The following TRIT1 variants were observed in gnomAD, a reference collection of about 807,000 sequenced individuals.
The protein encoded by TRIT1 is tRNA dimethylallyltransferase.
TRIT1 carries 43 observed loss-of-function variants against 51.2 expected under a neutral mutation model. That is an observed-to-expected ratio of 0.84 (90% CI 0.66 to 1.08). The LOEUF is 1.08. Among genes scored for constraint, TRIT1 ranks in the 50% least tolerant of loss-of-function variants. The pLI is 0.00. For missense variants in TRIT1, 528 were observed against 578.4 expected (o/e 0.91, Z 0.89); for synonymous variants, 184 against 203.9 (o/e 0.90, Z 0.83).
At chr1:39,855,240 A>T (rs1642828032) in intron 2 of TRIT1, among the ~76,000 whole-genome samples, 1 of 152,232 alleles carries the variant, frequency 6.6e-6, no homozygotes, top group Non-Finnish European at 1.5e-5. Flanking sequence ...AGGCATAGAG[A>T]CAGACCACCT....
intron 8 of TRIT1, 197 bp downstream of exon 8, chr1:39,847,023 G>T: frequency 1.8e-6 from 1 of 556,806 alleles, no homozygotes; most frequent in Non-Finnish European, 3.1e-6. Context: ...ACTCCTCAAT[G>T]CAAATAATTT....
rs1260916000 is a variant in TRIT1 at position 39,847,560 on chromosome 1, G to A, written c.916C>T (p.Leu306Phe). 1 of 1,614,018 alleles carries A rather than the reference G, an allele frequency of 6.2e-7. No homozygotes were observed. The highest frequency in any genetic ancestry group is 1.1e-5 in the South Asian group (1 of 91,094). The part of the protein sequence containing the change: ...GKCTLETSNQ[L>F]LKKGIEALKQ... ...GAAGAATTCACACCTTTCTTTAGAA[G>A]CTGGTTACTAGTCTCCAGTGTGCAT... Residue 306 changes from leucine to phenylalanine, a missense_variant, in exon 7 of 11, where the codon CTT becomes TTT. Leu to Phe is a conservative substitution (Grantham distance 22, BLOSUM62 0). Coordinates refer to ENST00000316891, the MANE Select transcript of TRIT1 (RefSeq NM_017646.6).
chr1:39,871,936 C>G (rs370050402), intron 1 of TRIT1, among the ~76,000 whole-genome samples: 6 of 152,220 alleles, frequency 3.9e-5, no homozygotes, highest in African/African-American at 1.2e-4. Flanking sequence ...CAGAGTCTTG[C>G]TTTGTTGTCC....
intron 1 of TRIT1, among the ~76,000 whole-genome samples, chr1:39,863,708 A>T (rs1018609624): frequency 8.6e-5 from 13 of 151,984 alleles, no homozygotes; most frequent in African/African-American, 3.1e-4. Flanking sequence ...ACAGAGCTGA[A>T]ATGCCTGGAG....
chr1:39,861,092 G>A (rs1204498643), intron 1 of TRIT1, among the ~76,000 whole-genome samples: 1 of 152,032 alleles, frequency 6.6e-6, no homozygotes, highest in African/African-American at 2.4e-5. Context: ...AGACATGGAT[G>A]TACTTCACAC....
chr1:39,855,289 G>C (rs1642831022), intron 2 of TRIT1, among the ~76,000 whole-genome samples: 1 of 152,200 alleles, frequency 6.6e-6, no homozygotes. Flanking sequence ...AAGCGGCTAA[G>C]GCAGGGTGGG....
rs1316783727 is a variant in TRIT1 at position 39,860,716 on chromosome 1, T to C, written c.175-3299A>G. 2.0e-5 allele frequency among the ~76,000 whole-genome samples: 3 copies of C among 152,194 alleles called. No homozygotes were observed. In the East Asian group the frequency reaches 5.8e-4, roughly 29 times the overall value. On this transcript the variant is annotated intron_variant, in intron 1 of 10. Coordinates refer to ENST00000316891, the MANE Select transcript of TRIT1 (RefSeq NM_017646.6). ...ATAATTATCGACTCTAGGTGATGGATATATGGGTAGTTCATTTCATTATTT... is the reference window on the plus strand; with the variant it reads ...ATAATTATCGACTCTAGGTGATGGACATATGGGTAGTTCATTTCATTATTT...
chr1:39,881,167 A>G (rs1030854018), intron 1 of TRIT1, among the ~76,000 whole-genome samples: 9 of 150,756 alleles, frequency 6.0e-5, no homozygotes, highest in Admixed American at 6.6e-5. Flanking sequence ...CAGAGGTTGC[A>G]GTGAGCCAAG....
chr1:39,883,499 C>T lies in TRIT1; in HGVS notation c.-8G>A, dbSNP rs1459273037. The T allele has an allele frequency of 6.3e-7, 1 of 1,588,118 alleles. No homozygotes were observed. The highest frequency in any genetic ancestry group is 8.6e-7 in the Non-Finnish European group (1 of 1,160,642). ...AGCCGCCACGGACGCCATCTTATGG[C>T]AGTCTGCGCTTGCGCCGGAGCAGCT... On this transcript the variant is annotated 5_prime_UTR_variant, in exon 1 of 11. Coordinates refer to ENST00000316891, the MANE Select transcript of TRIT1 (RefSeq NM_017646.6).
rs1472344713 is a variant in TRIT1 at position 39,850,943 on chromosome 1, T to TTAAG, written c.561-683_561-682insCTTA. Among the ~76,000 whole-genome samples the TTAAG allele has an allele frequency of 6.6e-5, 10 of 152,320 alleles. No homozygotes were observed. The South Asian group carries it at 1.7e-3, about 25-fold the overall frequency. On this transcript the variant is annotated intron_variant, in intron 4 of 10. Transcript: ENST00000316891. ...ATCACTGAGAAAAGAACTCACATAC[T>TTAAG]TATTCTTAAGCCACCATCCACTTCT...
intron 1 of TRIT1, among the ~76,000 whole-genome samples, chr1:39,873,997 A>G (rs2124676833): frequency 6.6e-6 from 1 of 152,212 alleles, no homozygotes; most frequent in South Asian, 2.1e-4. Flanking sequence ...CCTGGGCAAC[A>G]AGAGCGAAAC....
chr1:39,862,838 G>A (rs1274347914), intron 1 of TRIT1: 8 of 985,232 alleles, frequency 8.1e-6, no homozygotes, highest in Non-Finnish European at 9.6e-6. Flanking sequence ...CCTACAATCA[G>A]CCTGAATGCT....
chr1:39,848,446 T>G (rs1642362943), intron 5 of TRIT1, among the ~76,000 whole-genome samples: 1 of 151,894 alleles, frequency 6.6e-6, no homozygotes, highest in African/African-American at 2.4e-5. Context: ...ATTTAATATG[T>G]CATTATACTG....
At chr1:39,871,143 A>C (rs772476599) in intron 1 of TRIT1, among the ~76,000 whole-genome samples, 2 of 152,156 alleles carry the variant, frequency 1.3e-5, no homozygotes, top group Non-Finnish European at 2.9e-5. Flanking sequence ...CAGTAAGCCA[A>C]GATTGCACCA....
intron 2 of TRIT1, among the ~76,000 whole-genome samples, chr1:39,854,447 T>C (rs192807632): frequency 6.6e-6 from 1 of 152,354 alleles, no homozygotes; most frequent in East Asian, 1.9e-4. Context: ...TTGCATGACT[T>C]TGCCTTCTAA....
At chr1:39,863,752 GAA>G (rs528386601) in intron 1 of TRIT1, among the ~76,000 whole-genome samples, 1 of 84,244 alleles carries the variant, frequency 1.2e-5, no homozygotes, top group African/African-American at 4.9e-5. Flanking sequence ...CTACAACAGA[GAA>G]AAAAAAAAAG....
At chr1:39,853,855 A>G in intron 3 of TRIT1, 115 bp downstream of exon 3, 1 of 694,328 alleles carries the variant, frequency 1.4e-6, no homozygotes, top group Non-Finnish European at 2.4e-6. Flanking sequence ...TAAGTAGGAA[A>G]ATTATAGTTG....
intron 1 of TRIT1, among the ~76,000 whole-genome samples, chr1:39,866,291 G>C (rs77103575): frequency 0.021 from 3,246 of 152,214 alleles, 68 homozygotes; most frequent in East Asian, 0.11. Flanking sequence ...TCCTATCTGA[G>C]CCTCCCAAGT....
intron 1 of TRIT1, among the ~76,000 whole-genome samples, chr1:39,864,562 T>C (rs1040244639): frequency 6.8e-6 from 1 of 146,708 alleles, no homozygotes; most frequent in African/African-American, 2.6e-5. Flanking sequence ...TGAGCCAAGA[T>C]TGCGCCACTG....
Sources: gnomAD v4.1 joint callset for allele counts (sites outside exome capture counted in the v4.1 genomes callset) on GRCh38, gnomAD v4.1.1 for gene constraint, MANE v1.5 for transcripts, NCBI Gene and HGNC (gene_info 2026-07-23, HGNC 2026-07-21) for gene names.